The following KCNIP4 variants were observed in gnomAD, a reference collection of about 807,000 sequenced individuals.
KCNIP4 encodes Kv channel-interacting protein 4.
A neutral mutation model predicts 34.0 loss-of-function variants in KCNIP4; 12 were observed. The observed-to-expected ratio is 0.35, with a 90% CI of 0.23 to 0.57. The LOEUF is 0.57. Ranked by LOEUF, KCNIP4 falls within the 20% of genes least tolerant of loss-of-function variation. The pLI is 0.83. For synonymous variants in KCNIP4, 124 were observed against 102.2 expected (o/e 1.21, Z -1.29); for missense variants, 238 against 311.7 (o/e 0.76, Z 1.78).
chr4:21,312,032 C>T (rs1035237563), intron 1 of KCNIP4, among the ~76,000 whole-genome samples: 17 of 152,242 alleles, frequency 1.1e-4, no homozygotes, highest in Middle Eastern at 3.4e-3. Context: ...AGGATCAACA[C>T]CACACCCAGA....
At chr4:21,442,733 C>A (rs1727598912) in intron 1 of KCNIP4, among the ~76,000 whole-genome samples, 1 of 152,102 alleles carries the variant, frequency 6.6e-6, no homozygotes, top group African/African-American at 2.4e-5. Flanking sequence ...AGCTCATGTA[C>A]CCCATTCTTC....
intron 1 of KCNIP4, among the ~76,000 whole-genome samples, chr4:20,899,619 T>A (rs908885222): frequency 7.2e-5 from 11 of 152,320 alleles, no homozygotes; most frequent in Middle Eastern, 3.4e-3. Flanking sequence ...CTATAAATAA[T>A]CAAGTCTTAC....
At chr4:20,760,290 G>A (rs1043444921) in intron 3 of KCNIP4, among the ~76,000 whole-genome samples, 2 of 152,148 alleles carry the variant, frequency 1.3e-5, no homozygotes, top group Admixed American at 6.6e-5. Context: ...GATGAATGGT[G>A]TGCTAACTCC....
At chr4:20,928,113 A>T (rs1305684599) in intron 1 of KCNIP4, among the ~76,000 whole-genome samples, 1 of 152,124 alleles carries the variant, frequency 6.6e-6, no homozygotes, top group African/African-American at 2.4e-5. Context: ...GCATTTTTTC[A>T]GAGTATGAAA....
chr4:21,354,789 C>G (rs1229602675), intron 1 of KCNIP4, among the ~76,000 whole-genome samples: 3 of 152,158 alleles, frequency 2.0e-5, no homozygotes, highest in Non-Finnish European at 4.4e-5. Context: ...AGCTCTGCAC[C>G]AAGTGGACCT....
chr4:21,562,866 A>T (rs1739575296), intron 1 of KCNIP4, among the ~76,000 whole-genome samples: 1 of 152,062 alleles, frequency 6.6e-6, no homozygotes, highest in African/African-American at 2.4e-5. Context: ...AAGTGAACAA[A>T]AATACTTTCA....
intron 1 of KCNIP4, among the ~76,000 whole-genome samples, chr4:21,874,844 C>A (rs1437187977): frequency 2.0e-5 from 3 of 152,064 alleles, no homozygotes; most frequent in East Asian, 1.9e-4. Context: ...GTATAAATTT[C>A]TAATTTCTAA....
intron 1 of KCNIP4, among the ~76,000 whole-genome samples, chr4:20,968,213 A>C (rs535225399): frequency 7.3e-4 from 111 of 152,344 alleles, no homozygotes; most frequent in Middle Eastern, 6.8e-3. Context: ...AATGCAAATC[A>C]AAACCACAAT....
At chr4:20,909,086 GA>G (rs1258781253) in intron 1 of KCNIP4, among the ~76,000 whole-genome samples, 10 of 152,104 alleles carry the variant, frequency 6.6e-5, no homozygotes. Flanking sequence ...TGTTACAGAG[GA>G]ATAAATATCG....
intron 1 of KCNIP4, among the ~76,000 whole-genome samples, chr4:21,589,199 T>TACGTACAC (rs1560540330): frequency 4.6e-5 from 1 of 21,774 alleles, no homozygotes; most frequent in African/African-American, 1.6e-4. Flanking sequence ...TATATATATA[T>TACGTACAC]ATGTGTACAT....
intron 1 of KCNIP4, among the ~76,000 whole-genome samples, chr4:21,840,207 A>G (rs533491992): frequency 6.6e-6 from 1 of 151,730 alleles, no homozygotes; most frequent in East Asian, 1.9e-4. Flanking sequence ...GATACTAGAT[A>G]CAACTGTGCT....
At chr4:21,616,155 T>C (rs1203473605) in intron 1 of KCNIP4, among the ~76,000 whole-genome samples, 2 of 152,200 alleles carry the variant, frequency 1.3e-5, no homozygotes, top group African/African-American at 4.8e-5. Context: ...ATCTTCATCA[T>C]GCTCCAGCCT....
chr4:21,802,983 T>C (rs913965948), intron 1 of KCNIP4, among the ~76,000 whole-genome samples: 3 of 152,190 alleles, frequency 2.0e-5, no homozygotes, highest in African/African-American at 4.8e-5. Flanking sequence ...AATTTCCTTA[T>C]ATCAATTCCT....
At chr4:21,733,594 A>G (rs929308821) in intron 1 of KCNIP4, among the ~76,000 whole-genome samples, 1 of 152,182 alleles carries the variant, frequency 6.6e-6, no homozygotes. Context: ...TTGCAAGTCA[A>G]TAATTTTCTC....
chr4:20,772,470 T>C (rs1210824683), intron 3 of KCNIP4, among the ~76,000 whole-genome samples: 1 of 152,110 alleles, frequency 6.6e-6, no homozygotes, highest in Admixed American at 6.6e-5. Context: ...CATGAAAACT[T>C]GAATTGTTTT....
intron 1 of KCNIP4, among the ~76,000 whole-genome samples, chr4:21,235,345 C>T (rs191185977): frequency 7.5e-4 from 114 of 152,300 alleles, no homozygotes; most frequent in African/African-American, 2.5e-3. Flanking sequence ...GGCTCTCTCT[C>T]TCTACCTCAG....
Position 21,304,075 on chromosome 4 carries a change from GA to G in KCNIP4, c.62-421367del, listed in dbSNP as rs1560272591. The G allele has an allele frequency of 1.1e-4, 31 of 284,510 alleles. 1 individual carries two copies. In the East Asian group the frequency reaches 3.9e-3, roughly 36 times the overall value. 17.6% of individuals were successfully genotyped at this position (284,510 alleles called of 1,614,324 possible). On this transcript the variant is annotated intron_variant, in intron 1 of 8. Coordinates refer to ENST00000382152, the MANE Select transcript of KCNIP4 (RefSeq NM_025221.6). The stretch of plus-strand genomic sequence containing the variant: ...AGAGAGAGAGAGAGAGAGACAGAGA[GA>G]GAGAGAGAGACAGAGAGAGAGAGAG...
intron 1 of KCNIP4, among the ~76,000 whole-genome samples, chr4:20,974,041 G>C (rs1429377586): frequency 1.3e-5 from 2 of 152,144 alleles, no homozygotes; most frequent in African/African-American, 4.8e-5. Context: ...CTGAGCACAT[G>C]CTGTTGGAAA....
chr4:20,879,170 A>C (rs1409969155), intron 2 of KCNIP4, among the ~76,000 whole-genome samples: 1 of 152,168 alleles, frequency 6.6e-6, no homozygotes, highest in East Asian at 1.9e-4. Flanking sequence ...AATGTGAACA[A>C]GACAATTCTT....
Sources: allele counts gnomAD v4.1 joint callset (sites outside exome capture counted in the v4.1 genomes callset), GRCh38; gene constraint gnomAD v4.1.1; transcripts MANE v1.5; gene names NCBI Gene and HGNC (gene_info 2026-07-23, HGNC 2026-07-21).